COL21A1: variants seen among roughly 807,000 people sequenced by gnomAD.
COL21A1 encodes collagen type XXI alpha 1 chain.
In COL21A1, 149 loss-of-function variants were observed where a neutral mutation model predicts 137.9. That is an observed-to-expected ratio of 1.08 (90% CI 0.95 to 1.24). The LOEUF is 1.24. COL21A1 is among the 50% of genes most tolerant of loss of function. The pLI is 0.00. For missense variants in COL21A1, 1,167 were observed against 1,158.4 expected (o/e 1.01, Z -0.11); for synonymous variants, 456 against 391.5 (o/e 1.16, Z -1.95).
intron 1 of COL21A1, among the ~76,000 whole-genome samples, chr6:56,267,527 T>A (rs1763419323): frequency 6.6e-6 from 1 of 151,126 alleles, no homozygotes; most frequent in African/African-American, 2.4e-5. Context: ...GAGGCAGAGG[T>A]GGGCAGATCA....
At chr6:56,239,128 C>T (rs1782100501) in intron 1 of COL21A1, among the ~76,000 whole-genome samples, 1 of 152,106 alleles carries the variant, frequency 6.6e-6, no homozygotes, top group Non-Finnish European at 1.5e-5. Flanking sequence ...GAGCATGTAA[C>T]TATTTTTTTG....
chr6:56,163,800 G>A (rs1057294524), intron 9 of COL21A1, among the ~76,000 whole-genome samples: 5 of 151,850 alleles, frequency 3.3e-5, no homozygotes, highest in African/African-American at 1.2e-4. Flanking sequence ...AAAGTAGTAC[G>A]CACACAATGG....
At chr6:56,294,407 T>C (rs1215325548) in intron 1 of COL21A1, among the ~76,000 whole-genome samples, 2 of 152,116 alleles carry the variant, frequency 1.3e-5, no homozygotes, top group Non-Finnish European at 2.9e-5. Flanking sequence ...AAAAGCAATT[T>C]CACATATTTT....
intron 16 of COL21A1, among the ~76,000 whole-genome samples, chr6:56,106,727 C>T (rs1770933326): frequency 2.0e-5 from 3 of 151,664 alleles, no homozygotes; most frequent in African/African-American, 7.2e-5. Context: ...ATTTTCCTCA[C>T]ACAAAAATAA....
intron 1 of COL21A1, among the ~76,000 whole-genome samples, chr6:56,246,880 C>CT (rs1562022314): frequency 1.3e-5 from 2 of 151,988 alleles, no homozygotes; most frequent in African/African-American, 4.8e-5. Flanking sequence ...AGTCCCACCC[C>CT]CAGAGATTCT....
At chr6:56,298,085 T>C (rs538821556) in intron 1 of COL21A1, among the ~76,000 whole-genome samples, 1 of 148,404 alleles carries the variant, frequency 6.7e-6, no homozygotes. Flanking sequence ...GAAAGTAATA[T>C]AGTAATACGG....
At chr6:56,145,880 A>G (rs1157931894) in intron 10 of COL21A1, among the ~76,000 whole-genome samples, 1 of 151,988 alleles carries the variant, frequency 6.6e-6, no homozygotes, top group Non-Finnish European at 1.5e-5. Flanking sequence ...AGGGAAAAAA[A>G]TATTCTCACT....
At chr6:56,116,396 T>TTAA (rs1554138349) in intron 16 of COL21A1, among the ~76,000 whole-genome samples, 2 of 90,834 alleles carry the variant, frequency 2.2e-5, no homozygotes, top group Non-Finnish European at 4.1e-5. Context: ...GTGCCAAAGG[T>TTAA]AAAAAAAAAA....
chr6:56,115,576 A>T (rs1369497065), intron 16 of COL21A1, among the ~76,000 whole-genome samples: 1 of 152,168 alleles, frequency 6.6e-6, no homozygotes, highest in Non-Finnish European at 1.5e-5. Context: ...CAGACAGTGA[A>T]CACTACAATA....
intron 1 of COL21A1, among the ~76,000 whole-genome samples, chr6:56,285,624 A>G (rs1002806830): frequency 1.3e-5 from 2 of 152,342 alleles, no homozygotes; most frequent in Middle Eastern, 3.4e-3. Flanking sequence ...GACATTTATT[A>G]TATTAAATTG....
At chr6:56,174,490 C>T (rs537825623) in intron 3 of COL21A1, among the ~76,000 whole-genome samples, 1 of 151,896 alleles carries the variant, frequency 6.6e-6, no homozygotes, top group Admixed American at 6.6e-5. Flanking sequence ...ACAATTGATG[C>T]CACAGAAATA....
chr6:56,058,573 G>C (rs1447277971), intron 29 of COL21A1, among the ~76,000 whole-genome samples: 1 of 152,126 alleles, frequency 6.6e-6, no homozygotes, highest in Non-Finnish European at 1.5e-5. Flanking sequence ...GCAATTGTAA[G>C]TGTTGTTCAA....
chr6:56,168,526 A>C (rs1444931117), intron 5 of COL21A1, among the ~76,000 whole-genome samples: 1 of 152,128 alleles, frequency 6.6e-6, no homozygotes, highest in Non-Finnish European at 1.5e-5. Context: ...GAAACTGTCA[A>C]ACAACTTACT....
At chr6:56,302,334 C>A (rs958027072) in intron 1 of COL21A1, among the ~76,000 whole-genome samples, 2 of 152,188 alleles carry the variant, frequency 1.3e-5, no homozygotes, top group African/African-American at 4.8e-5. Flanking sequence ...CACTAGTTTA[C>A]AGTCCCACCA....
intron 1 of COL21A1, among the ~76,000 whole-genome samples, chr6:56,192,150 C>G (rs1442763346): frequency 6.6e-6 from 1 of 152,086 alleles, no homozygotes; most frequent in Non-Finnish European, 1.5e-5. Flanking sequence ...TAGCCATATG[C>G]AGAAAAGTGA....
chr6:56,168,267 G>A lies in COL21A1; in HGVS notation c.1057C>T (p.Arg353Cys), dbSNP rs1378533564. 13 of 1,547,838 alleles carry A rather than the reference G, an allele frequency of 8.4e-6. No homozygotes were observed. The highest frequency in any genetic ancestry group is 1.1e-5 in the Non-Finnish European group (12 of 1,140,772). The stretch of plus-strand genomic sequence containing the variant: ...ACATCTTGTTCTGTTACTAAGAGAC[G>A]AATTTGGTGCCAGCCTTCATCAAAC... ...TLFDEGWHQI[R>C]LLVTEQDVTL... The change falls in exon 6 of 30, where the codon CGT (arginine) becomes TGT (cysteine). Residue 353 changes from arginine to cysteine, a missense_variant. By Grantham distance (180) the Arg-to-Cys change is radical. Coordinates refer to ENST00000244728, the MANE Select transcript of COL21A1 (RefSeq NM_030820.4).
chr6:56,124,323 TC>T (rs375484500), intron 14 of COL21A1, 31 bp from the exon 15 acceptor site: 4 of 1,571,464 alleles, frequency 2.5e-6, no homozygotes, highest in African/African-American at 2.7e-5. Flanking sequence ...TAAAACACAA[TC>T]TTTACAATAA....
chr6:56,216,036 G>A (rs1007405632), intron 1 of COL21A1, among the ~76,000 whole-genome samples: 10 of 152,028 alleles, frequency 6.6e-5, no homozygotes, highest in African/African-American at 2.2e-4. Flanking sequence ...AATCAATTAA[G>A]TATTTTAATG....
At chr6:56,115,412 A>G (rs1417874782) in intron 16 of COL21A1, among the ~76,000 whole-genome samples, 1 of 152,214 alleles carries the variant, frequency 6.6e-6, no homozygotes, top group East Asian at 1.9e-4. Flanking sequence ...GACTTTGTTC[A>G]AGACAATCAA....
Sources: allele counts gnomAD v4.1 joint callset (sites outside exome capture counted in the v4.1 genomes callset), GRCh38; gene constraint gnomAD v4.1.1; transcripts MANE v1.5; gene names NCBI Gene and HGNC (gene_info 2026-07-23, HGNC 2026-07-21).